The following CADM4 variants were observed in gnomAD, a reference collection of about 807,000 sequenced individuals.
CADM4 encodes cell adhesion molecule 4, also known as TSLC1-like 2.
A neutral mutation model predicts 43.9 loss-of-function variants in CADM4; 13 were observed. The observed-to-expected ratio is 0.30, with a 90% CI of 0.19 to 0.47. The LOEUF (loss-of-function observed/expected upper bound fraction) is 0.47. Among genes scored for constraint, CADM4 ranks in the 20% least tolerant of loss-of-function variants. The probability of loss-of-function intolerance (pLI) is 1.00; values close to 1 mark genes in which losing one functional copy is unlikely to be tolerated. For missense variants in CADM4, 420 were observed against 527.0 expected (o/e 0.80, Z 1.99); for synonymous variants, 209 against 220.9 (o/e 0.95, Z 0.48).
chr19:43,636,506 A>G (rs1973706334), intron 1 of CADM4, among the ~76,000 whole-genome samples: 1 of 152,014 alleles, frequency 6.6e-6, no homozygotes, highest in Non-Finnish European at 1.5e-5. Context: ...CCTGCTCCCT[A>G]TGGGCCTGGG....
chr19:43,640,422 T>G (rs1381645169), upstream of CADM4, among the ~76,000 whole-genome samples: 1 of 146,320 alleles, frequency 6.8e-6, no homozygotes, highest in Admixed American at 6.8e-5. Flanking sequence ...CAGCTGGAGG[T>G]CCGGAGGGTC....
In CADM4 at chr19:43,627,871, C is replaced by A; in HGVS notation, c.65-81G>T. The A allele has an allele frequency of 2.2e-6, 3 of 1,361,184 alleles. No homozygotes were observed. The highest frequency in any genetic ancestry group is 2.3e-5 in the East Asian group (1 of 43,046). The allele number at this position is 1,361,184 out of a possible 1,614,324, so 84.3% of individuals were successfully genotyped here. A position where few individuals can be genotyped will look rare whatever the true frequency, so the allele number is the denominator to read the frequency against. On this transcript the variant is annotated intron_variant, in intron 1 of 8. Transcript: ENST00000222374. This position sits in a 1 kb window ranked among gnomAD's most constrained non-coding sequence, Gnocchi z 4.0. ...TTTTTTCTTTCTCCCTCTTCCCCAT[C>A]CAAACCTCCAATCCCTCTCTTTCCC... is the stretch of plus-strand genomic sequence containing the variant.
rs1230934579 is a variant in CADM4 at position 43,626,551 on chromosome 19, T to TA, written c.499+232dup. 6.6e-6 allele frequency among the ~76,000 whole-genome samples: 1 copy of TA among 152,206 alleles called. No homozygotes were observed. The highest frequency in any genetic ancestry group is 1.5e-5 in the Non-Finnish European group (1 of 68,038). On this transcript the variant is annotated intron_variant, in intron 4 of 8. Coordinates refer to ENST00000222374, the MANE Select transcript of CADM4 (RefSeq NM_145296.2). This position sits in a 1 kb window ranked among gnomAD's most constrained non-coding sequence, Gnocchi z 5.9. ...AAAAACATAAATTTATATATATACT[T>TA]AGAGACAGGGTCTCACAATGTTGGG...
intron 1 of CADM4, among the ~76,000 whole-genome samples, chr19:43,629,871 C>G (rs977068085): frequency 3.3e-5 from 5 of 152,026 alleles, no homozygotes; most frequent in African/African-American, 1.2e-4. Flanking sequence ...CCTGCCTCAG[C>G]CTCCCAAAGT....
Position 43,626,339 on chromosome 19 carries a change from C to G in CADM4, c.500-51G>C, listed in dbSNP as rs763467891. 1.9e-6 allele frequency: 3 copies of G among 1,588,022 alleles called. No individual in the cohort carries two copies. Among genetic ancestry groups the G allele is most frequent in the Non-Finnish European group, 2.6e-6 (3 of 1,168,184 alleles). On this transcript the variant is annotated intron_variant, in intron 4 of 8. Coordinates refer to ENST00000222374, the MANE Select transcript of CADM4 (RefSeq NM_145296.2). This position sits in a 1 kb window ranked among gnomAD's most constrained non-coding sequence, Gnocchi z 5.9. ...CAGGCCACAATTCCGGCTCCATCCACCCACCCACCCGAGCCAACGCCAAAG... is the reference window on the plus strand; with the variant it reads ...CAGGCCACAATTCCGGCTCCATCCAGCCACCCACCCGAGCCAACGCCAAAG...
chr19:43,639,902 C>G (rs1973754133), upstream of CADM4: 16 of 847,082 alleles, frequency 1.9e-5, no homozygotes, highest in Non-Finnish European at 2.3e-5. Context: ...GGCGGGGCGC[C>G]GAGGCCGGGG....
intron 1 of CADM4, among the ~76,000 whole-genome samples, chr19:43,638,970 A>G (rs75492157): frequency 0.026 from 3,936 of 152,270 alleles, 187 homozygotes; most frequent in African/African-American, 0.09. Context: ...GCACAGCAGA[A>G]AGACAGGGAT....
intron 7 of CADM4, 70 bp from the exon 8 acceptor site, chr19:43,624,312 G>T: frequency 6.2e-7 from 1 of 1,604,260 alleles, no homozygotes; most frequent in East Asian, 2.2e-5. Flanking sequence ...TCGCTGCCAA[G>T]CTTTTAAGCC....
At chr19:43,633,300 CT>C (rs1373358358) in intron 1 of CADM4, among the ~76,000 whole-genome samples, 2 of 152,102 alleles carry the variant, frequency 1.3e-5, no homozygotes. Context: ...TCTCCAACTC[CT>C]GGGGTCAAAG....
In CADM4 at chr19:43,624,192, C is replaced by A. The variant is rs778438663; in HGVS notation, c.979G>T (p.Gly327Cys). The A allele has an allele frequency of 2.5e-6, 4 of 1,614,080 alleles. No individual in the cohort carries two copies. The highest frequency in any genetic ancestry group is 3.4e-6 in the Non-Finnish European group (4 of 1,180,044). ...AQTSVPYAIV[G>C]GILALLVFLI... ...AACACCAGCAGCGCCAGGATGCCGCCCACAATGGCATAGGGAACCGACGTC... is the reference window on the plus strand; with the variant it reads ...AACACCAGCAGCGCCAGGATGCCGCACACAATGGCATAGGGAACCGACGTC... Residue 327 changes from glycine (G) to cysteine (C), a missense_variant, in exon 8 of 9, where the codon GGC becomes TGC. Physicochemically the swap from Gly to Cys is radical, Grantham distance 159 (BLOSUM62 -3). Coordinates refer to ENST00000222374, the MANE Select transcript of CADM4 (RefSeq NM_145296.2).
chr19:43,627,444 T>C lies in CADM4; in HGVS notation c.212-126A>G, dbSNP rs939498769. 2.4e-6 allele frequency: 3 copies of C among 1,272,954 alleles called. No individual in the cohort carries two copies. Among genetic ancestry groups the C allele is most frequent in the Non-Finnish European group, 3.2e-6 (3 of 942,156 alleles). The allele number at this position is 1,272,954 out of a possible 1,614,324, so 78.9% of individuals were successfully genotyped here. A position where few individuals can be genotyped will look rare whatever the true frequency, so the allele number is the denominator to read the frequency against. On this transcript the variant is annotated intron_variant, in intron 2 of 8. Transcript: ENST00000222374. The surrounding 1 kb of genome is among the most constrained non-coding windows in gnomAD (Gnocchi z 4.0). ...TCCAGCCATATCTATGAGTCTGAGG[T>C]GTCCAACTATTTACTCCCTTGAGGA...
Position 43,623,666 on chromosome 19 carries a change from C to G in CADM4, c.1058-227G>C, listed in dbSNP as rs191378907. Among the ~76,000 whole-genome samples, 28 of 152,302 alleles carry G rather than the reference C, an allele frequency of 1.8e-4. No homozygotes were observed. The highest frequency in any genetic ancestry group is 6.3e-4 in the African/African-American group (26 of 41,558). On this transcript the variant is annotated intron_variant, in intron 8 of 8. Coordinates refer to ENST00000222374, the MANE Select transcript of CADM4 (RefSeq NM_145296.2). This position sits in a 1 kb window ranked among gnomAD's most constrained non-coding sequence, Gnocchi z 4.4. Reference sequence around the variant, plus strand: ...AGCTCACCGAAAGTGCCACCCTTATCCTTTCTCTTGGAGGTATTTCCTTGC... The same window carrying G: ...AGCTCACCGAAAGTGCCACCCTTATGCTTTCTCTTGGAGGTATTTCCTTGC...
intron 1 of CADM4, among the ~76,000 whole-genome samples, chr19:43,633,650 C>T (rs1973659246): frequency 6.9e-6 from 1 of 145,338 alleles, no homozygotes; most frequent in South Asian, 2.3e-4. Context: ...TTTTTTCTTT[C>T]TCTCTTTCTC....
rs1973472582 is a variant in CADM4, at chr19:43,623,466, AG to A, written c.1058-28del. 3.5e-6 allele frequency: 5 copies of A among 1,420,914 alleles called. No individual in the cohort carries two copies. Among genetic ancestry groups the A allele is most frequent in the Non-Finnish European group, 3.0e-6 (3 of 1,004,380 alleles). The allele number at this position is 1,420,914 out of a possible 1,614,324, so 88.0% of individuals were successfully genotyped here. Reference sequence around the variant, plus strand: ...TGAGGGGGTGACAGACCCCCGGGGCAGGGGGGACATATTTGTGGATCCAGGA... The same window carrying A: ...TGAGGGGGTGACAGACCCCCGGGGCAGGGGGACATATTTGTGGATCCAGGA... On this transcript the variant is annotated intron_variant, in intron 8 of 8. Coordinates refer to ENST00000222374, the MANE Select transcript of CADM4 (RefSeq NM_145296.2). The surrounding 1 kb of genome is among the most constrained non-coding windows in gnomAD (Gnocchi z 4.4).
intron 1 of CADM4, among the ~76,000 whole-genome samples, chr19:43,635,247 G>T (rs999604812): frequency 1.3e-5 from 2 of 152,044 alleles, no homozygotes; most frequent in Non-Finnish European, 2.9e-5. Flanking sequence ...TCCCCAGGGG[G>T]CTCCTGGCAT....
At chr19:43,641,675 C>A (rs930486238), upstream of CADM4, among the ~76,000 whole-genome samples, 1 of 152,220 alleles carries the variant, frequency 6.6e-6, no homozygotes, top group African/African-American at 2.4e-5. Context: ...GCCCCTGTGT[C>A]CCCAGATCCA....
rs1186767450 is a variant in CADM4 at position 43,623,757 on chromosome 19, T to C, written c.1058-318A>G. Among the ~76,000 whole-genome samples the C allele has an allele frequency of 6.6e-6, 1 of 152,154 alleles. No individual in the cohort carries two copies. Among genetic ancestry groups the C allele is most frequent in the Non-Finnish European group, 1.5e-5 (1 of 68,024 alleles). On this transcript the variant is annotated intron_variant, in intron 8 of 8. Transcript: ENST00000222374. The surrounding 1 kb of genome is among the most constrained non-coding windows in gnomAD (Gnocchi z 4.4). ...TTTATTCAAATCCATGCTCTTTTTT[T>C]CCCCTAATTTTTTGTATTTTTAGTA...
At chr19:43,641,459 C>T (rs1292770844), upstream of CADM4, among the ~76,000 whole-genome samples, 1 of 152,168 alleles carries the variant, frequency 6.6e-6, no homozygotes, top group Non-Finnish European at 1.5e-5. Flanking sequence ...AGGGTCCAAG[C>T]TCCCATCAAC....
At chr19:43,639,608 G>A (rs1045963024) in intron 1 of CADM4, 119 bp downstream of exon 1, 63 of 588,942 alleles carry the variant, frequency 1.1e-4, no homozygotes, top group African/African-American at 5.1e-4. Context: ...TCCCGGGGAG[G>A]GGGCCCGGCC....
Sources: gnomAD v4.1 joint callset for allele counts (sites outside exome capture counted in the v4.1 genomes callset) on GRCh38, gnomAD v4.1.1 for gene constraint, Gnocchi (gnomAD v3.1) non-coding constraint, MANE v1.5 for transcripts, NCBI Gene and HGNC (gene_info 2026-07-23, HGNC 2026-07-21) for gene names.